The following WNK1 variants were observed in gnomAD, a reference collection of about 807,000 sequenced individuals.
The protein encoded by WNK1 is serine/threonine-protein kinase WNK1.
In WNK1, 38 loss-of-function variants were observed where a neutral mutation model predicts 222.8. The ratio of observed to expected loss-of-function variants is 0.17; its 90% CI spans 0.13 to 0.22. The LOEUF (loss-of-function observed/expected upper bound fraction) is 0.22, where lower values mean the gene tolerates loss of function less well. Ranked by LOEUF, WNK1 falls within the 10% of genes least tolerant of loss-of-function variation. The pLI is 1.00. For synonymous variants in WNK1, 1,090 were observed against 1,092.9 expected (o/e 1.00, Z 0.05); for missense variants, 2,348 against 2,918.4 (o/e 0.80, Z 4.50).
intron 4 of WNK1, among the ~76,000 whole-genome samples, chr12:838,569 C>T (rs796646867): frequency 5.3e-5 from 8 of 152,184 alleles, no homozygotes; most frequent in African/African-American, 1.9e-4. Context: ...CACACACCAC[C>T]ATGCTGGCTA....
chr12:865,110 C>CCT, intron 8 of WNK1: 1 of 1,512,118 alleles, frequency 6.6e-7, no homozygotes, highest in East Asian at 2.5e-5. Context: ...TTGTGTTGAG[C>CCT]CTCGTCGTGG....
chr12:899,681 G>A (rs912300754), intron 25 of WNK1, among the ~76,000 whole-genome samples: 1 of 152,084 alleles, frequency 6.6e-6, no homozygotes, highest in Non-Finnish European at 1.5e-5. Flanking sequence ...TAGGACAACC[G>A]ACCTATTGAA....
At chr12:815,746 G>T (rs959517988) in intron 2 of WNK1, among the ~76,000 whole-genome samples, 22 of 152,172 alleles carry the variant, frequency 1.4e-4, no homozygotes, top group Admixed American at 1.4e-3. Flanking sequence ...TCAACAGTTT[G>T]TCTGGCATGC....
At position 867,875 on chromosome 12, in the gene WNK1, A is replaced by G. The variant is rs749638697; in HGVS notation, c.2140-3390A>G. On this transcript the variant is annotated intron_variant, in intron 8 of 27. Transcript: ENST00000315939. ...ATTCATGTTGATACAGCCTCAGTCC[A>G]TGGCGCATCCGTGTGGGGGGACCCC... The G allele has an allele frequency of 2.6e-5, 42 of 1,613,838 alleles. No individual in the cohort carries two copies. Among genetic ancestry groups the G allele is most frequent in the Non-Finnish European group, 3.2e-5 (38 of 1,179,842 alleles).
chr12:849,540 T>C (rs1387326238), intron 4 of WNK1, among the ~76,000 whole-genome samples: 1 of 152,168 alleles, frequency 6.6e-6, no homozygotes, highest in East Asian at 1.9e-4. Context: ...GGCAAAAAAT[T>C]TGTACCACTT....
intron 7 of WNK1, 99 bp downstream of exon 7, chr12:861,442 G>T: frequency 9.1e-7 from 1 of 1,093,218 alleles, no homozygotes; most frequent in Middle Eastern, 2.7e-4. Context: ...TTTGAATTAT[G>T]AATCCTACTA....
intron 1 of WNK1, among the ~76,000 whole-genome samples, chr12:807,222 GC>G (rs1038231366): frequency 5.9e-5 from 9 of 151,852 alleles, no homozygotes; most frequent in Non-Finnish European, 1.0e-4. Context: ...ACTTTGGGAG[GC>G]CAAGGCAGAG....
intron 1 of WNK1, among the ~76,000 whole-genome samples, chr12:767,556 G>A (rs1197016396): frequency 6.6e-6 from 1 of 151,990 alleles, no homozygotes; most frequent in African/African-American, 2.4e-5. Context: ...TGGCCGGGTT[G>A]ATAGGGGTTT....
At chr12:813,550 A>G in intron 1 of WNK1, 92 bp from the exon 2 acceptor site, 6 of 1,353,660 alleles carry the variant, frequency 4.4e-6, no homozygotes, top group South Asian at 2.5e-5. Context: ...ACCATCGATC[A>G]TGATTTAGTA....
In WNK1 at chr12:909,637, G is replaced by A. The variant is rs1337393174; in HGVS notation, c.*845G>A. ...GATAAATAAATGTGAATGTAAAATT[G>A]TATAAATTACTGTACTTGAATACTT... On this transcript the variant is annotated 3_prime_UTR_variant, in exon 28 of 28. Coordinates refer to ENST00000315939, the MANE Select transcript of WNK1 (RefSeq NM_018979.4). The A allele has an allele frequency of 6.6e-6, 1 of 152,176 alleles. No individual in the cohort carries two copies. The highest frequency in any genetic ancestry group is 1.5e-5 in the Non-Finnish European group (1 of 68,038). 9.4% of individuals were successfully genotyped at this position (152,176 alleles called of 1,614,324 possible).
At chr12:767,399 C>G (rs560532889) in intron 1 of WNK1, among the ~76,000 whole-genome samples, 87 of 151,448 alleles carry the variant, frequency 5.7e-4, no homozygotes, top group African/African-American at 2.0e-3. Context: ...ATTACAGGCG[C>G]GCGCCACCAT....
At chr12:897,365 AG>A (rs1954844035) in intron 24 of WNK1, 113 bp from the exon 25 acceptor site, 3 of 764,984 alleles carry the variant, frequency 3.9e-6, no homozygotes, top group East Asian at 5.1e-5. Context: ...TTTGGGGAAA[AG>A]GTTCATTAGT....
At chr12:813,529 A>AT in intron 1 of WNK1, 113 bp from the exon 2 acceptor site, 2 of 1,176,512 alleles carry the variant, frequency 1.7e-6, no homozygotes, top group East Asian at 2.5e-5. Context: ...CAGCATTTGC[A>AT]TTTTTTAAAC....
intron 26 of WNK1, among the ~76,000 whole-genome samples, chr12:904,787 A>G (rs955386877): frequency 3.3e-5 from 5 of 152,260 alleles, no homozygotes; most frequent in Admixed American, 2.6e-4. Context: ...TTGGTCAGCA[A>G]ATATGTGCCG....
rs1260185587 is a variant in WNK1, at chr12:759,335, G to T, written c.759+5011G>T. ...AACTTGCATTTTGTTTGAGTTTTTT[G>T]TTTTTTTGTTTTTGAGACAGAGTCT... is the stretch of plus-strand genomic sequence containing the variant. On this transcript the variant is annotated intron_variant, in intron 1 of 27. Coordinates refer to ENST00000315939, the MANE Select transcript of WNK1 (RefSeq NM_018979.4). Among the ~76,000 whole-genome samples the T allele has an allele frequency of 4.8e-5, 7 of 146,052 alleles. 1 individual carries two copies. The highest frequency in any genetic ancestry group is 1.7e-4 in the African/African-American group (7 of 40,834).
At chr12:871,695 C>T (rs1952166480) in intron 9 of WNK1, among the ~76,000 whole-genome samples, 1 of 152,048 alleles carries the variant, frequency 6.6e-6, no homozygotes. Context: ...CACCGCCTCC[C>T]AGGTTCAAGC....
chr12:797,278 G>A (rs1473223877), intron 1 of WNK1, among the ~76,000 whole-genome samples: 1 of 152,110 alleles, frequency 6.6e-6, no homozygotes, highest in African/African-American at 2.4e-5. Context: ...AGCTATAATT[G>A]TTGGATGGAT....
At chr12:780,196 G>C (rs2153966457) in intron 1 of WNK1, among the ~76,000 whole-genome samples, 1 of 152,264 alleles carries the variant, frequency 6.6e-6, no homozygotes, top group Non-Finnish European at 1.5e-5. Flanking sequence ...TCCTTAACAT[G>C]TTTCTCTTCT....
intron 1 of WNK1, among the ~76,000 whole-genome samples, chr12:760,489 C>T (rs961112089): frequency 6.8e-6 from 1 of 147,308 alleles, no homozygotes; most frequent in Admixed American, 6.7e-5. Context: ...CACTGAAATA[C>T]TATGTGAATG....
Sources: gnomAD v4.1 joint callset for allele counts (sites outside exome capture counted in the v4.1 genomes callset) on GRCh38, gnomAD v4.1.1 for gene constraint, MANE v1.5 for transcripts, NCBI Gene and HGNC (gene_info 2026-07-23, HGNC 2026-07-21) for gene names.